MICOS10: variants seen among roughly 807,000 people sequenced by gnomAD.
MICOS10 encodes MICOS complex subunit MIC10.
In MICOS10, 5 loss-of-function variants were observed where a neutral mutation model predicts 13.4. That is an observed-to-expected ratio of 0.37 (90% CI 0.20 to 0.78). The LOEUF is 0.78. Ranked by LOEUF, MICOS10 falls within the 30% of genes least tolerant of loss-of-function variation. The pLI, the probability that MICOS10 is intolerant of heterozygous loss-of-function variation, is 0.47. For synonymous variants in MICOS10, 35 were observed against 33.6 expected, an observed-to-expected ratio of 1.04 and a Z score of -0.15; for missense variants, 101 against 94.6, an observed-to-expected ratio of 1.07 and a Z score of -0.28.
At chr1:19,619,416 C>T (rs2094895759) in intron 1 of MICOS10, among the ~76,000 whole-genome samples, 1 of 152,188 alleles carries the variant, frequency 6.6e-6, no homozygotes, top group African/African-American at 2.4e-5. Context: ...TTGCATTGAG[C>T]AACTAGAAAT....
chr1:19,600,834 C>G, intron 1 of MICOS10: 4 of 1,228,384 alleles, frequency 3.3e-6, no homozygotes, highest in Non-Finnish European at 3.2e-6. Flanking sequence ...ACTCAGGGTC[C>G]AAACGATCCA....
Position 19,626,414 on chromosome 1 carries a change from A to G in MICOS10, c.*13A>G, listed in dbSNP as rs763020262. ...GCAGGAGCAGTGACTTCACCTGAGA[A>G]CATCCCAGCGGGAGGACAAGAGAAA... is the stretch of plus-strand genomic sequence containing the variant. On this transcript the variant is annotated 3_prime_UTR_variant, in exon 4 of 4. Transcript: ENST00000322753. 10 of 1,613,946 alleles carry G rather than the reference A, an allele frequency of 6.2e-6. No homozygotes were observed. In the South Asian group the frequency reaches 9.9e-5, roughly 16 times the overall value.
chr1:19,612,715 T>C (rs888407024), intron 1 of MICOS10, among the ~76,000 whole-genome samples: 1 of 152,170 alleles, frequency 6.6e-6, no homozygotes, highest in African/African-American at 2.4e-5. Flanking sequence ...ACAGTGCCGC[T>C]GTACTATCAT....
rs567099922 is a variant in MICOS10, at chr1:19,614,154, C to T, written c.65-7946C>T. On this transcript the variant is annotated intron_variant, in intron 1 of 3. Coordinates refer to ENST00000322753, the MANE Select transcript of MICOS10 (RefSeq NM_001032363.4). ...GTGGTGGCGTGATGTCAGCTCACTG[C>T]AACCTCCGCCTCCCGGGTTCAAGAA... Among the ~76,000 whole-genome samples the T allele has an allele frequency of 2.6e-4, 39 of 152,182 alleles. No individual in the cohort carries two copies. The South Asian group carries it at 7.9e-3, about 31-fold the overall frequency.
rs964564709 is a variant in MICOS10 at position 19,620,819 on chromosome 1, G to A, written c.65-1281G>A. Among the ~76,000 whole-genome samples, 10 of 152,332 alleles carry A rather than the reference G, an allele frequency of 6.6e-5. No homozygotes were observed. The East Asian group carries it at 1.9e-3, about 29-fold the overall frequency. ...CATTCTTGGTCTACTGCTAGGAAAA[G>A]TTGAGCATCAGAGAGCTTTTTCTCC... is the stretch of plus-strand genomic sequence containing the variant. On this transcript the variant is annotated intron_variant, in intron 1 of 3. Coordinates refer to ENST00000322753, the MANE Select transcript of MICOS10 (RefSeq NM_001032363.4).
chr1:19,607,736 C>T (rs1367281761), intron 1 of MICOS10, among the ~76,000 whole-genome samples: 7 of 152,146 alleles, frequency 4.6e-5, no homozygotes, highest in Admixed American at 4.6e-4. Flanking sequence ...GATTTTTAAA[C>T]TCTGAAAATG....
intron 1 of MICOS10, among the ~76,000 whole-genome samples, chr1:19,599,506 G>A (rs2094805809): frequency 6.6e-6 from 1 of 152,184 alleles, no homozygotes; most frequent in Non-Finnish European, 1.5e-5. Flanking sequence ...TACGATCTCA[G>A]GTATAAGTTA....
At chr1:19,621,392 T>C (rs7537194) in intron 1 of MICOS10, among the ~76,000 whole-genome samples, 1,805 of 152,298 alleles carry the variant, frequency 0.012, 34 homozygotes, top group African/African-American at 0.041. Flanking sequence ...TCACTGGCAG[T>C]AGAAATCTTG....
chr1:19,611,680 G>A (rs996391869), intron 1 of MICOS10, among the ~76,000 whole-genome samples: 1 of 151,648 alleles, frequency 6.6e-6, no homozygotes, highest in Non-Finnish European at 1.5e-5. Context: ...TACTTTAGAA[G>A]ATGTTTTAAG....
At chr1:19,606,663 T>C (rs2094835852) in intron 1 of MICOS10, among the ~76,000 whole-genome samples, 1 of 152,002 alleles carries the variant, frequency 6.6e-6, no homozygotes, top group African/African-American at 2.4e-5. Context: ...GGAGAATCAC[T>C]TGAACCTGGG....
chr1:19,617,601 A>T (rs2094888967), intron 1 of MICOS10, among the ~76,000 whole-genome samples: 1 of 152,198 alleles, frequency 6.6e-6, no homozygotes. Flanking sequence ...AGCATCTTTC[A>T]TAAATCAGGA....
At chr1:19,618,942 A>G (rs2745230) in intron 1 of MICOS10, among the ~76,000 whole-genome samples, 16,687 of 152,260 alleles carry the variant, frequency 0.11, 3,095 homozygotes, top group African/African-American at 0.38. Flanking sequence ...AATCTTTTAG[A>G]TGTAGATAAA....
At chr1:19,619,395 G>A (rs2094895699) in intron 1 of MICOS10, among the ~76,000 whole-genome samples, 1 of 152,164 alleles carries the variant, frequency 6.6e-6, no homozygotes, top group South Asian at 2.1e-4. Context: ...TTTTTTAAAA[G>A]TAAAATACAG....
intron 1 of MICOS10, among the ~76,000 whole-genome samples, chr1:19,616,123 C>A (rs2094883547): frequency 6.6e-6 from 1 of 152,066 alleles, no homozygotes; most frequent in African/African-American, 2.4e-5. Context: ...ACCACGTTGG[C>A]CAGGCTGGTC....
Position 19,626,640 on chromosome 1 carries a change from T to C in MICOS10, c.*239T>C. 2.0e-6 allele frequency: 1 copy of C among 510,002 alleles called. No individual in the cohort carries two copies. The highest frequency in any genetic ancestry group is 3.6e-6 in the Non-Finnish European group (1 of 280,724). 31.6% of individuals were successfully genotyped at this position (510,002 alleles called of 1,614,324 possible). A position where few individuals can be genotyped will look rare whatever the true frequency, so the allele number is the denominator to read the frequency against. ...AAACAAAAAGAGGAAGTCCATTGCA[T>C]GGCCTTTGTTTCTTCACCTTTGGTC... On this transcript the variant is annotated 3_prime_UTR_variant, in exon 4 of 4. Transcript: ENST00000322753.
chr1:19,605,887 C>T (rs1041985696), intron 1 of MICOS10, among the ~76,000 whole-genome samples: 2 of 152,196 alleles, frequency 1.3e-5, no homozygotes, highest in African/African-American at 4.8e-5. Flanking sequence ...TTTCATCTCT[C>T]TTGGATATAT....
chr1:19,608,858 T>C (rs1328823974), intron 1 of MICOS10, among the ~76,000 whole-genome samples: 6 of 151,998 alleles, frequency 3.9e-5, no homozygotes, highest in Non-Finnish European at 7.4e-5. Context: ...TAAAGATCTC[T>C]TAATTTTAAG....
intron 1 of MICOS10, among the ~76,000 whole-genome samples, chr1:19,617,580 A>G (rs2094888871): frequency 6.6e-6 from 1 of 152,174 alleles, no homozygotes; most frequent in Non-Finnish European, 1.5e-5. Flanking sequence ...TCCGTCATTA[A>G]TGGGGCCCTG....
chr1:19,600,325 GAGA>G (rs780165764), intron 1 of MICOS10, among the ~76,000 whole-genome samples: 2 of 148,890 alleles, frequency 1.3e-5, no homozygotes, highest in South Asian at 2.2e-4. Context: ...GGGCGGAAGA[GAGA>G]AGAAGTAAGG....
Sources: gnomAD v4.1 joint callset for allele counts (sites outside exome capture counted in the v4.1 genomes callset) on GRCh38, gnomAD v4.1.1 for gene constraint, MANE v1.5 for transcripts, NCBI Gene and HGNC (gene_info 2026-07-23, HGNC 2026-07-21) for gene names.